The following ANXA10 variants were observed in gnomAD, a reference collection of about 807,000 sequenced individuals.
ANXA10 encodes the protein annexin A10.
In ANXA10, 49 loss-of-function variants were observed where a neutral mutation model predicts 53.5. That is an observed-to-expected ratio of 0.92 (90% CI 0.73 to 1.16). The LOEUF (loss-of-function observed/expected upper bound fraction) is 1.16. Among genes scored for constraint, ANXA10 ranks in the 50% most tolerant of loss-of-function variants. The pLI is 0.00. For synonymous variants in ANXA10, 131 were observed against 128.9 expected, an observed-to-expected ratio of 1.02 and a Z score of -0.11; for missense variants, 393 against 394.4, an observed-to-expected ratio of 1.00 and a Z score of 0.03.
At chr4:168,173,777 G>A (rs1465422381) in intron 6 of ANXA10, among the ~76,000 whole-genome samples, 1 of 152,142 alleles carries the variant, frequency 6.6e-6, no homozygotes, top group East Asian at 1.9e-4. Context: ...CCCATGTGAG[G>A]TGCTTTCCTC....
At chr4:168,119,681 T>C (rs955651049) in intron 1 of ANXA10, among the ~76,000 whole-genome samples, 2 of 152,112 alleles carry the variant, frequency 1.3e-5, no homozygotes, top group African/African-American at 4.8e-5. Flanking sequence ...AACAATTGAT[T>C]AGTTACAAGC....
Position 168,165,284 on chromosome 4 carries a change from G to T in ANXA10, c.438G>T (p.Glu146Asp). Reference protein sequence around the residue: ...SNNLQEDIYSETSGHFRDTLM... With the variant: ...SNNLQEDIYSDTSGHFRDTLM... Reference sequence around the variant, plus strand: ...ACCTCCAAGAGGACATTTATTCAGAGACCTCAGGACACTTCAGAGATACTC... The same window carrying T: ...ACCTCCAAGAGGACATTTATTCAGATACCTCAGGACACTTCAGAGATACTC... The change falls in exon 6 of 12, where the codon GAG (glutamate) becomes GAT (aspartate). Residue 146 changes from glutamate to aspartate, a missense_variant. By Grantham distance (45) the Glu-to-Asp change is conservative (BLOSUM62 2). Transcript: ENST00000359299. The T allele has an allele frequency of 6.3e-7, 1 of 1,595,384 alleles. No individual in the cohort carries two copies. Among genetic ancestry groups the T allele is most frequent in the South Asian group, 1.1e-5 (1 of 87,838 alleles).
chr4:168,133,029 A>G (rs141930080), intron 2 of ANXA10, among the ~76,000 whole-genome samples: 3,758 of 152,200 alleles, frequency 0.025, 59 homozygotes, highest in Middle Eastern at 0.041. Flanking sequence ...GTTGAAATCA[A>G]ACAAGGTGAC....
chr4:168,150,896 T>C (rs1167425859), intron 3 of ANXA10, among the ~76,000 whole-genome samples: 1 of 152,242 alleles, frequency 6.6e-6, no homozygotes, highest in African/African-American at 2.4e-5. Flanking sequence ...AGAGGGTTGG[T>C]TGATATCAGG....
chr4:168,128,193 T>C, intron 2 of ANXA10, 28 bp downstream of exon 2: 2 of 1,579,114 alleles, frequency 1.3e-6, no homozygotes, highest in East Asian at 2.2e-5. Context: ...TACCATCTTT[T>C]ATTGTGATTA....
At chr4:168,115,793 C>G (rs1315991891) in intron 1 of ANXA10, among the ~76,000 whole-genome samples, 1 of 152,150 alleles carries the variant, frequency 6.6e-6, no homozygotes, top group African/African-American at 2.4e-5. Flanking sequence ...CTTACTCAGC[C>G]TCATAGTCTT....
chr4:168,106,384 G>A (rs1560958838), intron 1 of ANXA10, among the ~76,000 whole-genome samples: 3 of 152,146 alleles, frequency 2.0e-5, no homozygotes, highest in South Asian at 4.1e-4. Context: ...ACTCAATTAA[G>A]CTAGGCATTT....
intron 1 of ANXA10, among the ~76,000 whole-genome samples, chr4:168,093,347 T>G (rs536566210): frequency 6.6e-6 from 1 of 152,320 alleles, no homozygotes; most frequent in Admixed American, 6.5e-5. Context: ...TGGCCTTGTC[T>G]GAATCATTTT....
intron 4 of ANXA10, among the ~76,000 whole-genome samples, chr4:168,163,430 C>T (rs1486560095): frequency 1.3e-5 from 2 of 152,046 alleles, no homozygotes; most frequent in Non-Finnish European, 2.9e-5. Context: ...TGGATTTTGG[C>T]CATCACATTT....
intron 3 of ANXA10, among the ~76,000 whole-genome samples, chr4:168,158,520 T>A (rs1456837026): frequency 6.6e-6 from 1 of 152,206 alleles, no homozygotes; most frequent in African/African-American, 2.4e-5. Context: ...AGATTTGTTC[T>A]GGTACTTTCT....
At chr4:168,156,203 ATATTATATTATATGTAATATG>A (rs1731667144) in intron 3 of ANXA10, among the ~76,000 whole-genome samples, 5 of 23,874 alleles carry the variant, frequency 2.1e-4, no homozygotes, top group Non-Finnish European at 3.3e-4. Flanking sequence ...TATATAATAT[ATATTATATTATATGTAATATG>A]TATTATATTA....
rs184499720 is a variant in ANXA10, at chr4:168,172,181, A to C, written c.481-5559A>C. On this transcript the variant is annotated intron_variant, in intron 6 of 11. Coordinates refer to ENST00000359299, the MANE Select transcript of ANXA10 (RefSeq NM_007193.5). Reference sequence around the variant, plus strand: ...CCGTCTCAGGCCCTTTACATGACAAAGCCAGCTTGACTCTGCCTTTGTCAA... The same window carrying C: ...CCGTCTCAGGCCCTTTACATGACAACGCCAGCTTGACTCTGCCTTTGTCAA... Among the ~76,000 whole-genome samples the C allele has an allele frequency of 2.4e-3, 366 of 152,322 alleles. 1 individual carries two copies. The highest frequency in any genetic ancestry group is 7.8e-3 in the African/African-American group (326 of 41,566).
intron 1 of ANXA10, among the ~76,000 whole-genome samples, chr4:168,109,163 T>C (rs1240430951): frequency 2.0e-5 from 3 of 152,208 alleles, no homozygotes; most frequent in East Asian, 1.9e-4. Context: ...ACATTTTTTT[T>C]CTGCTATGTA....
intron 1 of ANXA10, among the ~76,000 whole-genome samples, chr4:168,120,306 T>C (rs1730963202): frequency 6.6e-6 from 1 of 152,102 alleles, no homozygotes. Context: ...CCAAGAAATA[T>C]AAAATTTCCA....
chr4:168,125,322 T>C (rs1465459679), intron 1 of ANXA10, among the ~76,000 whole-genome samples: 2 of 152,322 alleles, frequency 1.3e-5, no homozygotes, highest in Middle Eastern at 3.4e-3. Flanking sequence ...ACTAGAGATC[T>C]AGTATCAACT....
At chr4:168,145,049 G>C (rs1346944503) in intron 3 of ANXA10, among the ~76,000 whole-genome samples, 1 of 152,084 alleles carries the variant, frequency 6.6e-6, no homozygotes, top group Non-Finnish European at 1.5e-5. Flanking sequence ...CTGATTGGCT[G>C]GTACAGAAAT....
intron 6 of ANXA10, among the ~76,000 whole-genome samples, chr4:168,169,217 C>CAT (rs1731939196): frequency 6.6e-6 from 1 of 152,064 alleles, no homozygotes; most frequent in Non-Finnish European, 1.5e-5. Flanking sequence ...TTTTCTTTTA[C>CAT]ATTTTATAAG....
intron 3 of ANXA10, among the ~76,000 whole-genome samples, chr4:168,152,779 A>C (rs1731519471): frequency 6.7e-6 from 1 of 148,740 alleles, no homozygotes; most frequent in South Asian, 2.1e-4. Context: ...TGTAAATAAA[A>C]TATAACTCAT....
intron 3 of ANXA10, among the ~76,000 whole-genome samples, chr4:168,144,133 A>C (rs1370091871): frequency 4.6e-5 from 7 of 152,130 alleles, no homozygotes; most frequent in Admixed American, 4.6e-4. Context: ...TCTAAGGCCA[A>C]AATGGTGTAA....
Sources: gnomAD v4.1 joint callset for allele counts (sites outside exome capture counted in the v4.1 genomes callset) on GRCh38, gnomAD v4.1.1 for gene constraint, MANE v1.5 for transcripts, NCBI Gene and HGNC (gene_info 2026-07-23, HGNC 2026-07-21) for gene names.